PHLDB1: variants seen among roughly 807,000 people sequenced by gnomAD.
PHLDB1 encodes pleckstrin homology-like domain family B member 1.
PHLDB1 carries 65 observed loss-of-function variants against 139.3 expected under a neutral mutation model. That is an observed-to-expected ratio of 0.47 (90% CI 0.38 to 0.57). The LOEUF is 0.57. PHLDB1 is among the 20% of genes least tolerant of loss of function. The pLI is 0.00. For missense variants in PHLDB1, 1,624 were observed against 1,839.7 expected, an observed-to-expected ratio of 0.88 and a Z score of 2.14; for synonymous variants, 679 against 734.5, an observed-to-expected ratio of 0.92 and a Z score of 1.22.
At chr11:118,616,882 C>T (rs183147778) in intron 4 of PHLDB1, among the ~76,000 whole-genome samples, 258 of 151,884 alleles carry the variant, frequency 1.7e-3, no homozygotes, top group Non-Finnish European at 3.2e-3. Flanking sequence ...CTGTCTCTAC[C>T]CAAAATACAA....
intron 3 of PHLDB1, 63 bp downstream of exon 3, chr11:118,614,745 A>C: frequency 6.4e-7 from 1 of 1,551,018 alleles, no homozygotes; most frequent in Admixed American, 1.7e-5. Context: ...CCTGCCCTGG[A>C]GGCCCACCTC....
intron 3 of PHLDB1, chr11:118,614,894 A>G: frequency 1.9e-6 from 1 of 530,912 alleles, no homozygotes; most frequent in South Asian, 2.1e-5. Flanking sequence ...CTTAAAGATC[A>G]GCTTAGAAAC....
chr11:118,612,664 G>A (rs1292094835), intron 1 of PHLDB1, among the ~76,000 whole-genome samples: 1 of 152,216 alleles, frequency 6.6e-6, no homozygotes, highest in African/African-American at 2.4e-5. Context: ...GAAGCTGGGA[G>A]GGTAAATTTA....
chr11:118,630,013 C>G (rs1023188823), intron 6 of PHLDB1: 5 of 1,284,040 alleles, frequency 3.9e-6, no homozygotes, highest in Non-Finnish European at 5.1e-6. Context: ...TCCCAGGTGC[C>G]GAGGCTCTGT....
chr11:118,642,143 C>CT (rs781811474), intron 12 of PHLDB1, 111 bp from the exon 13 acceptor site: 1 of 1,031,156 alleles, frequency 9.7e-7, no homozygotes, highest in South Asian at 1.3e-5. Context: ...CCTTCTTCCT[C>CT]TTCTTTCTTC....
Position 118,627,797 on chromosome 11 carries a change from C to T in PHLDB1, c.974C>T (p.Pro325Leu), listed in dbSNP as rs1355812973. ...GGGGGCCATGAGAGGCCTCCCAGCC[C>T]TGGCCTCCGGGGTCTGCTGACAGAC... ...RKGGHERPPS[P>L]GLRGLLTDSP... Residue 325 changes from proline to leucine, a missense_variant, in exon 6 of 23, where the codon CCT (proline) becomes CTT (leucine). Transcript: ENST00000600882. The T allele has an allele frequency of 1.2e-6, 2 of 1,605,036 alleles. No individual in the cohort carries two copies. The highest frequency in any genetic ancestry group is 1.7e-6 in the Non-Finnish European group (2 of 1,179,596).
chr11:118,614,413 C>G (rs1941164527), intron 2 of PHLDB1, 146 bp from the exon 3 acceptor site: 1 of 717,384 alleles, frequency 1.4e-6, no homozygotes, highest in Non-Finnish European at 2.3e-6. Flanking sequence ...GAATCATGCT[C>G]TGTGTAAGAT....
chr11:118,628,737 C>G, intron 6 of PHLDB1, 87 bp downstream of exon 6: 1 of 1,333,832 alleles, frequency 7.5e-7, no homozygotes, highest in Non-Finnish European at 1.0e-6. Flanking sequence ...GCAGGAGAGG[C>G]CCTCAAACAG....
At chr11:118,625,403 G>A (rs45565037) in intron 5 of PHLDB1, among the ~76,000 whole-genome samples, 30,792 of 152,232 alleles carry the variant, frequency 0.2, 3,313 homozygotes, top group South Asian at 0.36. Context: ...CTGAGGGGCA[G>A]AAGGAAGCAT....
chr11:118,640,057 C>T (rs1253359564), intron 12 of PHLDB1: 9 of 922,168 alleles, frequency 9.8e-6, no homozygotes, highest in Non-Finnish European at 1.0e-5. Context: ...TCTGCCTGCC[C>T]GCTGAGCCCC....
Position 118,620,992 on chromosome 11 carries a change from G to A in PHLDB1, c.356-3942G>A, listed in dbSNP as rs1942654782. On this transcript the variant is annotated intron_variant, in intron 4 of 22. Transcript: ENST00000600882. This position sits in a 1 kb window ranked among gnomAD's most constrained non-coding sequence, Gnocchi z 4.1. ...ACTTTCTGTAGATAAGGAAGCCGAGGCCAGAGGGTGTGACTGGCCCAAGGT... is the reference window on the plus strand; with the variant it reads ...ACTTTCTGTAGATAAGGAAGCCGAGACCAGAGGGTGTGACTGGCCCAAGGT... 6.6e-6 allele frequency among the ~76,000 whole-genome samples: 1 copy of A among 152,132 alleles called. No homozygotes were observed. The highest frequency in any genetic ancestry group is 2.4e-5 in the African/African-American group (1 of 41,408).
At position 118,650,158 on chromosome 11, in the gene PHLDB1, G is replaced by A. The variant is rs979885480; in HGVS notation, c.3736G>A (p.Val1246Ile). ...KTHIESSGHG[V>I]DTCLHVVLSS... is the part of the protein sequence containing the mutation. ...ACATATTGAGTCATCGGGCCATGGT[G>A]TTGATACCTGCCTGCACGTGGTGCT... Residue 1246 changes from valine to isoleucine, a missense_variant, in exon 19 of 23, where the codon GTT (valine) becomes ATT (isoleucine). Transcript: ENST00000600882. The surrounding 1 kb of genome is among the most constrained non-coding windows in gnomAD (Gnocchi z 4.7). 6.2e-7 allele frequency: 1 copy of A among 1,613,898 alleles called. No homozygotes were observed. The highest frequency in any genetic ancestry group is 1.1e-5 in the South Asian group (1 of 91,084).
Position 118,627,417 on chromosome 11 carries a change from A to G in PHLDB1, c.594A>G (p.Gln198=). 1 of 1,612,104 alleles carries G rather than the reference A, an allele frequency of 6.2e-7. No homozygotes were observed. Among genetic ancestry groups the G allele is most frequent in the Non-Finnish European group, 8.5e-7 (1 of 1,178,448 alleles). The change falls in exon 6 of 23, where the codon CAA becomes CAG. Residue 198 remains glutamine, a synonymous_variant. Coordinates refer to ENST00000600882, the MANE Select transcript of PHLDB1 (RefSeq NM_001144758.3). The stretch of plus-strand genomic sequence containing the variant: ...TGAGCTCTATTGAGAAGGACCTGCA[A>G]GAGATCATGGACTCACTGGTGCTAG... The part of the protein sequence containing the change: ...SLVSSIEKDL[Q]EIMDSLVLEE...
In PHLDB1 at chr11:118,611,842, A is replaced by AATT. The variant is rs1439417692; in HGVS notation, c.-21-1972_-21-1971insTAT. ...TCAAAAAAAAAAAAAAAATAATAAT[A>AATT]ATAATAATAAATGGCATTAAGTGCT... On this transcript the variant is annotated intron_variant, in intron 1 of 22. Coordinates refer to ENST00000600882, the MANE Select transcript of PHLDB1 (RefSeq NM_001144758.3). The surrounding 1 kb of genome is among the most constrained non-coding windows in gnomAD (Gnocchi z 4.7). 1.0e-3 allele frequency among the ~76,000 whole-genome samples: 151 copies of AATT among 151,152 alleles called. No individual in the cohort carries two copies. The highest frequency in any genetic ancestry group is 3.4e-3 in the African/African-American group (142 of 41,332).
intron 5 of PHLDB1, 102 bp from the exon 6 acceptor site, chr11:118,627,203 G>T: frequency 8.4e-7 from 1 of 1,194,334 alleles, no homozygotes; most frequent in Non-Finnish European, 1.2e-6. Context: ...TTCTTCTCCA[G>T]AGCCTTGTTA....
chr11:118,644,584 T>C, intron 15 of PHLDB1: 2 of 1,091,226 alleles, frequency 1.8e-6, no homozygotes, highest in East Asian at 6.1e-5. Context: ...TGTCTGTGCC[T>C]CTCTCTCCTC....
chr11:118,616,540 C>T (rs1217998379), intron 4 of PHLDB1, among the ~76,000 whole-genome samples: 1 of 152,138 alleles, frequency 6.6e-6, no homozygotes, highest in Non-Finnish European at 1.5e-5. Context: ...ATTGGAGCAG[C>T]AGTGAGAGGG....
chr11:118,650,305 A>G lies in PHLDB1; in HGVS notation c.3771+112A>G. ...TCAGTCTCTACCCTCACCTAACCAG[A>G]TCTCTGTCCCAGGACCTGGTGTGCT... On this transcript the variant is annotated intron_variant, in intron 19 of 22. Coordinates refer to ENST00000600882, the MANE Select transcript of PHLDB1 (RefSeq NM_001144758.3). This position sits in a 1 kb window ranked among gnomAD's most constrained non-coding sequence, Gnocchi z 4.7. 9.9e-7 allele frequency: 1 copy of G among 1,008,564 alleles called. No homozygotes were observed. The highest frequency in any genetic ancestry group is 1.3e-5 in the South Asian group (1 of 76,812). The allele number at this position is 1,008,564 out of a possible 1,614,324, so 62.5% of individuals were successfully genotyped here.
chr11:118,606,879 G>A (rs990227537), upstream of PHLDB1, among the ~76,000 whole-genome samples: 1 of 152,154 alleles, frequency 6.6e-6, no homozygotes, highest in Non-Finnish European at 1.5e-5. Flanking sequence ...CAAGTCTGTC[G>A]GGGTGGAGGG....
Sources: gnomAD v4.1 joint callset for allele counts (sites outside exome capture counted in the v4.1 genomes callset) on GRCh38, gnomAD v4.1.1 for gene constraint, Gnocchi (gnomAD v3.1) non-coding constraint, MANE v1.5 for transcripts, NCBI Gene and HGNC (gene_info 2026-07-23, HGNC 2026-07-21) for gene names.